Variants in DPYD observed in about 807,000 individuals in gnomAD.
DPYD encodes dihydropyrimidine dehydrogenase [NADP(+)].
A neutral mutation model predicts 116.2 loss-of-function variants in DPYD; 109 were observed. The ratio of observed to expected loss-of-function variants is 0.94; its 90% confidence interval spans 0.80 to 1.10. The LOEUF is 1.10. Among genes scored for constraint, DPYD ranks in the 50% least tolerant of loss-of-function variants. The probability of loss-of-function intolerance (pLI) is 0.00; values close to 1 mark genes in which losing one functional copy is unlikely to be tolerated. For missense variants in DPYD, 1,302 were observed against 1,254.5 expected, an observed-to-expected ratio of 1.04 and a Z score of -0.57; for synonymous variants, 440 against 432.0, an observed-to-expected ratio of 1.02 and a Z score of -0.23.
chr1:97,322,319 G>T lies in DPYD; in HGVS notation c.2059-16022C>A, dbSNP rs1263061755. Among the ~76,000 whole-genome samples, 5 of 149,734 alleles carry T rather than the reference G, an allele frequency of 3.3e-5. No individual in the cohort carries two copies. In the East Asian group the frequency reaches 6.0e-4, roughly 18 times the overall value. On this transcript the variant is annotated intron_variant, in intron 16 of 22. Coordinates refer to ENST00000370192, the MANE Select transcript of DPYD (RefSeq NM_000110.4). ...CCACTGCTGCTGTAGGAGCTGGAAA[G>T]AAATATCTAGGCCATTTTGTTTGTT...
intron 20 of DPYD, among the ~76,000 whole-genome samples, chr1:97,131,198 T>A (rs976039068): frequency 2.0e-4 from 30 of 151,944 alleles, no homozygotes; most frequent in Admixed American, 1.8e-3. Flanking sequence ...TCATTTGAAA[T>A]AACCTAAATT....
chr1:97,136,557 T>C (rs577434819), intron 20 of DPYD, among the ~76,000 whole-genome samples: 36 of 152,230 alleles, frequency 2.4e-4, no homozygotes, highest in African/African-American at 7.9e-4. Flanking sequence ...ATCTCTCTCA[T>C]GGAATTCTCA....
chr1:97,261,187 C>T (rs1663849382), intron 18 of DPYD, among the ~76,000 whole-genome samples: 1 of 151,962 alleles, frequency 6.6e-6, no homozygotes, highest in Non-Finnish European at 1.5e-5. Flanking sequence ...AGTTCTCTTT[C>T]CATGTAGCTT....
chr1:97,509,761 T>G (rs1647634494), intron 13 of DPYD, among the ~76,000 whole-genome samples: 1 of 151,938 alleles, frequency 6.6e-6, no homozygotes, highest in Admixed American at 6.6e-5. Context: ...GTAAGACAGT[T>G]TGTTAAGACT....
intron 2 of DPYD, among the ~76,000 whole-genome samples, chr1:97,850,821 T>G (rs1670534256): frequency 6.6e-6 from 1 of 152,066 alleles, no homozygotes; most frequent in Non-Finnish European, 1.5e-5. Context: ...TAACTATAAC[T>G]CCACCATCTG....
intron 18 of DPYD, among the ~76,000 whole-genome samples, chr1:97,254,258 G>A (rs1335482761): frequency 1.3e-5 from 2 of 151,992 alleles, no homozygotes; most frequent in African/African-American, 4.8e-5. Context: ...TCTAGGCATT[G>A]CACTGTACAT....
At chr1:97,097,010 A>G (rs1243664791) in intron 21 of DPYD, among the ~76,000 whole-genome samples, 1 of 152,158 alleles carries the variant, frequency 6.6e-6, no homozygotes, top group Non-Finnish European at 1.5e-5. Flanking sequence ...CAAATCATAT[A>G]GTAGTCATAG....
intron 3 of DPYD, among the ~76,000 whole-genome samples, chr1:97,789,355 C>T (rs2101257725): frequency 6.6e-6 from 1 of 152,200 alleles, no homozygotes. Flanking sequence ...TTATATGAGA[C>T]ACAGTTTAAT....
At chr1:97,162,637 G>A (rs1420842621) in intron 20 of DPYD, among the ~76,000 whole-genome samples, 1 of 151,710 alleles carries the variant, frequency 6.6e-6, no homozygotes, top group Non-Finnish European at 1.5e-5. Context: ...CTACTTTAAA[G>A]TTCATATGGA....
chr1:97,626,443 A>AG (rs992128493), intron 8 of DPYD, among the ~76,000 whole-genome samples: 4 of 152,152 alleles, frequency 2.6e-5, no homozygotes, highest in Admixed American at 2.0e-4. Flanking sequence ...TACAAAGACA[A>AG]GAAAAAAACA....
intron 20 of DPYD, among the ~76,000 whole-genome samples, chr1:97,143,975 G>A (rs941936319): frequency 1.7e-4 from 26 of 152,124 alleles, no homozygotes; most frequent in African/African-American, 4.8e-4. Flanking sequence ...CAGACCTTCC[G>A]AACAAGGAAA....
At chr1:97,130,871 C>CTTCCTTCCT (rs1381877765) in intron 20 of DPYD, among the ~76,000 whole-genome samples, 4 of 138,984 alleles carry the variant, frequency 2.9e-5, no homozygotes, top group Non-Finnish European at 6.2e-5. Context: ...TCCTTCCTTC[C>CTTCCTTCCT]TTCCTTCCTT....
chr1:97,402,005 T>C (rs1340495869), intron 14 of DPYD, among the ~76,000 whole-genome samples: 1 of 152,150 alleles, frequency 6.6e-6, no homozygotes, highest in Admixed American at 6.6e-5. Context: ...TAACCAATAT[T>C]ACACTGTCAG....
chr1:97,216,470 G>A (rs6697132), intron 19 of DPYD, among the ~76,000 whole-genome samples: 112,616 of 152,118 alleles, frequency 0.74, 43,097 homozygotes, highest in East Asian at 0.99. Flanking sequence ...ATGAGTAAAC[G>A]GTTTATTACA....
intron 16 of DPYD, among the ~76,000 whole-genome samples, chr1:97,370,465 C>A (rs1671260689): frequency 6.6e-6 from 1 of 152,078 alleles, no homozygotes; most frequent in Admixed American, 6.6e-5. Context: ...ATATCTAATG[C>A]ATGCAGGGCT....
intron 8 of DPYD, among the ~76,000 whole-genome samples, chr1:97,626,271 A>G (rs971796358): frequency 6.6e-6 from 1 of 152,098 alleles, no homozygotes; most frequent in Non-Finnish European, 1.5e-5. Context: ...TCTAAGTTGC[A>G]ACTATTCTGA....
chr1:97,506,375 A>C (rs1406083282), intron 13 of DPYD, among the ~76,000 whole-genome samples: 3 of 151,986 alleles, frequency 2.0e-5, no homozygotes, highest in Non-Finnish European at 4.4e-5. Flanking sequence ...ACATACCCAA[A>C]ATATGGAGAT....
At chr1:97,720,289 TTTCAC>T in intron 5 of DPYD, 1 of 985,564 alleles carries the variant, frequency 1.0e-6, no homozygotes, top group Non-Finnish European at 1.2e-6. Flanking sequence ...CTATGTGACC[TTTCAC>T]TTACTGCATC....
intron 18 of DPYD, among the ~76,000 whole-genome samples, chr1:97,247,294 G>A (rs927472746): frequency 6.6e-6 from 1 of 152,106 alleles, no homozygotes; most frequent in Non-Finnish European, 1.5e-5. Flanking sequence ...AAGAACTTAA[G>A]ACTACATTAT....
Sources: gnomAD v4.1 joint callset for allele counts (sites outside exome capture counted in the v4.1 genomes callset) on GRCh38, gnomAD v4.1.1 for gene constraint, MANE v1.5 for transcripts, NCBI Gene and HGNC (gene_info 2026-07-23, HGNC 2026-07-21) for gene names.